The following AGMO variants were observed in gnomAD, a reference collection of about 807,000 sequenced individuals.
AGMO encodes glyceryl-ether monooxygenase.
Under a neutral mutation model 60.2 loss-of-function variants are expected in AGMO, and 75 were observed. The ratio of observed to expected loss-of-function variants is 1.25; its 90% CI spans 1.03 to 1.51. AGMO has a LOEUF of 1.51. AGMO is among the 40% of genes most tolerant of loss of function. The pLI is 0.00. For missense variants in AGMO, 763 were observed against 525.5 expected, an observed-to-expected ratio of 1.45 and a Z score of -4.42; for synonymous variants, 261 against 177.1, an observed-to-expected ratio of 1.47 and a Z score of -3.76.
intron 12 of AGMO, among the ~76,000 whole-genome samples, chr7:15,341,175 T>G (rs1563096824): frequency 6.6e-6 from 1 of 152,172 alleles, no homozygotes; most frequent in East Asian, 1.9e-4. Context: ...TTATGCAAAT[T>G]TCTGCAGCCT....
intron 12 of AGMO, among the ~76,000 whole-genome samples, chr7:15,240,506 CA>C (rs1184081411): frequency 6.6e-6 from 1 of 152,118 alleles, no homozygotes; most frequent in African/African-American, 2.4e-5. Flanking sequence ...CTGCCAGTTT[CA>C]CTTAGGTGCA....
intron 3 of AGMO, among the ~76,000 whole-genome samples, chr7:15,512,027 A>G (rs1483777149): frequency 4.6e-5 from 7 of 151,816 alleles, no homozygotes; most frequent in Non-Finnish European, 7.4e-5. Context: ...AAAAAAAAGA[A>G]AGAGAAGAGA....
intron 12 of AGMO, among the ~76,000 whole-genome samples, chr7:15,227,727 G>A (rs1017682262): frequency 2.0e-5 from 3 of 151,988 alleles, no homozygotes; most frequent in African/African-American, 7.2e-5. Flanking sequence ...AAGTACACAT[G>A]CCCAAGGACT....
At chr7:15,208,012 TAGAGACAAC>T (rs1781485626) in intron 12 of AGMO, among the ~76,000 whole-genome samples, 1 of 152,056 alleles carries the variant, frequency 6.6e-6, no homozygotes, top group African/African-American at 2.4e-5. Flanking sequence ...AGAGAAAACT[TAGAGACAAC>T]CAAACTTGAT....
intron 3 of AGMO, among the ~76,000 whole-genome samples, chr7:15,528,672 A>C (rs1784188811): frequency 6.6e-6 from 1 of 151,976 alleles, no homozygotes; most frequent in Admixed American, 6.6e-5. Flanking sequence ...TTTGAGACGG[A>C]GTTTCACTCT....
rs1038601300 is a variant in AGMO at position 15,256,933 on chromosome 7, A to C, written c.1264-55574T>G. Reference sequence around the variant, plus strand: ...TTCCTACAGAGATACCAGAGAAAATAAATAAATAAATAGGTAGGCATTCCA... The same window carrying C: ...TTCCTACAGAGATACCAGAGAAAATCAATAAATAAATAGGTAGGCATTCCA... On this transcript the variant is annotated intron_variant, in intron 12 of 12. Coordinates refer to ENST00000342526, the MANE Select transcript of AGMO (RefSeq NM_001004320.2). Among the ~76,000 whole-genome samples the C allele has an allele frequency of 2.6e-5, 4 of 152,188 alleles. No individual in the cohort carries two copies. The East Asian group carries it at 7.7e-4, about 29-fold the overall frequency.
intron 12 of AGMO, among the ~76,000 whole-genome samples, chr7:15,322,210 G>T (rs1360022545): frequency 6.7e-6 from 1 of 149,360 alleles, no homozygotes; most frequent in Admixed American, 6.8e-5. Context: ...TTACATCCTT[G>T]TTAAAGATAA....
intron 12 of AGMO, among the ~76,000 whole-genome samples, chr7:15,264,940 CAAAG>C (rs1051479706): frequency 6.6e-6 from 1 of 151,972 alleles, no homozygotes; most frequent in African/African-American, 2.4e-5. Flanking sequence ...GATATATACT[CAAAG>C]GAGAATAATT....
rs1435307432 is a variant in AGMO at position 15,233,475 on chromosome 7, T to C, written c.1264-32116A>G. Among the ~76,000 whole-genome samples, 4 of 151,802 alleles carry C rather than the reference T, an allele frequency of 2.6e-5. No individual in the cohort carries two copies. The South Asian group carries it at 8.3e-4, about 32-fold the overall frequency. ...TACGGAGAAGCAGTTACAAAAATGA[T>C]GTCAGAGAGTAGAGGGTACCAGGGA... On this transcript the variant is annotated intron_variant, in intron 12 of 12. Coordinates refer to ENST00000342526, the MANE Select transcript of AGMO (RefSeq NM_001004320.2).
At chr7:15,257,463 G>C (rs1387086364) in intron 12 of AGMO, among the ~76,000 whole-genome samples, 2 of 151,858 alleles carry the variant, frequency 1.3e-5, no homozygotes, top group East Asian at 1.9e-4. Flanking sequence ...ATTGACATTT[G>C]GGCCATAGTA....
chr7:15,187,993 C>T, the AGMO span, among the ~76,000 whole-genome samples: 1 of 152,088 alleles, frequency 6.6e-6, no homozygotes, highest in Admixed American at 6.6e-5. Flanking sequence ...TCTTTCCAGA[C>T]ACCTTATGTC....
At chr7:15,322,545 TAAATATATATAAATATATAA>T (rs1781163034) in intron 12 of AGMO, among the ~76,000 whole-genome samples, 3 of 55,326 alleles carry the variant, frequency 5.4e-5, no homozygotes, top group Non-Finnish European at 8.8e-5. Context: ...AATATATATA[TAAATATATATAAATATATAA>T]ATATATATAA....
the AGMO span, among the ~76,000 whole-genome samples, chr7:15,131,600 T>C: frequency 1.6e-3 from 241 of 152,208 alleles, 2 homozygotes; most frequent in Middle Eastern, 3.4e-3. Flanking sequence ...CCTGCATTTT[T>C]CAGTGTTCCA....
chr7:15,294,763 G>A (rs1465177202), intron 12 of AGMO, among the ~76,000 whole-genome samples: 1 of 151,854 alleles, frequency 6.6e-6, no homozygotes, highest in Non-Finnish European at 1.5e-5. Context: ...AGTGTATCTA[G>A]AGATTTATCC....
At chr7:15,413,344 A>C (rs1254620989) in intron 5 of AGMO, among the ~76,000 whole-genome samples, 1 of 152,214 alleles carries the variant, frequency 6.6e-6, no homozygotes, top group Non-Finnish European at 1.5e-5. Flanking sequence ...TCTCTAAGGT[A>C]GTGTCATACA....
intron 5 of AGMO, among the ~76,000 whole-genome samples, chr7:15,399,878 T>C (rs1784509435): frequency 6.6e-6 from 1 of 152,218 alleles, no homozygotes; most frequent in South Asian, 2.1e-4. Flanking sequence ...GATAGTGATT[T>C]CTAATGTTCT....
At chr7:15,250,196 T>C (rs557413685) in intron 12 of AGMO, among the ~76,000 whole-genome samples, 3 of 152,282 alleles carry the variant, frequency 2.0e-5, no homozygotes, top group African/African-American at 7.2e-5. Context: ...ATAAATGAAG[T>C]CTGTGAAATC....
intron 12 of AGMO, among the ~76,000 whole-genome samples, chr7:15,269,058 G>C (rs892273411): frequency 6.6e-6 from 1 of 152,008 alleles, no homozygotes; most frequent in African/African-American, 2.4e-5. Flanking sequence ...AAGAATTTTT[G>C]GCATTGTGGG....
intron 12 of AGMO, among the ~76,000 whole-genome samples, chr7:15,222,835 G>C (rs563666865): frequency 6.6e-6 from 1 of 151,874 alleles, no homozygotes; most frequent in African/African-American, 2.4e-5. Context: ...ATATACTTTA[G>C]TGTTCATTTC....
Sources: allele counts gnomAD v4.1 joint callset (sites outside exome capture counted in the v4.1 genomes callset), GRCh38; gene constraint gnomAD v4.1.1; transcripts MANE v1.5; gene names NCBI Gene and HGNC (gene_info 2026-07-23, HGNC 2026-07-21).